LINGO2: variants seen among roughly 807,000 people sequenced by gnomAD.
The protein encoded by LINGO2 is leucine-rich repeat and immunoglobulin-like domain-containing nogo receptor-interacting protein 2.
Under a neutral mutation model 30.6 loss-of-function variants are expected in LINGO2, and 14 were observed. The observed-to-expected ratio is 0.46, with a 90% CI of 0.30 to 0.72. LINGO2 has a LOEUF of 0.72. Ranked by LOEUF, LINGO2 falls within the 30% of genes least tolerant of loss-of-function variation. LINGO2 has a pLI of 0.07. For synonymous variants in LINGO2, 317 were observed against 288.5 expected (o/e 1.10, Z -1.00); for missense variants, 729 against 751.7 (o/e 0.97, Z 0.35).
the LINGO2 span, among the ~76,000 whole-genome samples, chr9:28,839,904 T>C: frequency 2.6e-5 from 4 of 152,086 alleles, no homozygotes; most frequent in Non-Finnish European, 4.4e-5. Flanking sequence ...GCACTGAGCT[T>C]CCCTCAGCAC....
intron 4 of LINGO2, among the ~76,000 whole-genome samples, chr9:28,289,251 T>C (rs1480548473): frequency 6.6e-6 from 1 of 152,140 alleles, no homozygotes; most frequent in East Asian, 1.9e-4. Flanking sequence ...AACTATAATA[T>C]ATAAATTTTC....
chr9:29,047,864 G>C, the LINGO2 span, among the ~76,000 whole-genome samples: 1 of 152,102 alleles, frequency 6.6e-6, no homozygotes, highest in African/African-American at 2.4e-5. Context: ...ACTTTGGGAG[G>C]CTGAGGCAGA....
intron 1 of LINGO2, among the ~76,000 whole-genome samples, chr9:28,552,947 G>T (rs1422478766): frequency 6.6e-6 from 1 of 150,778 alleles, no homozygotes; most frequent in African/African-American, 2.4e-5. Flanking sequence ...CATCTTTGAG[G>T]ATATTAATCC....
At chr9:28,098,482 C>T (rs916421418) in intron 4 of LINGO2, among the ~76,000 whole-genome samples, 7 of 152,168 alleles carry the variant, frequency 4.6e-5, no homozygotes, top group African/African-American at 1.7e-4. Context: ...GGCTTGCTGT[C>T]TGCTTAGCAC....
chr9:28,143,029 T>G (rs1827718089), intron 4 of LINGO2, among the ~76,000 whole-genome samples: 1 of 152,186 alleles, frequency 6.6e-6, no homozygotes, highest in Admixed American at 6.5e-5. Flanking sequence ...TTGACAAAAA[T>G]TAAATTTCTG....
At chr9:29,171,498 T>C in the LINGO2 span, among the ~76,000 whole-genome samples, 1 of 152,020 alleles carries the variant, frequency 6.6e-6, no homozygotes, top group Non-Finnish European at 1.5e-5. Context: ...TTTGAAAATA[T>C]ACTGATATAC....
rs1400850391 is a variant in LINGO2 at position 28,035,945 on chromosome 9, C to G, written c.-86-23540G>C. Among the ~76,000 whole-genome samples, 3 of 152,036 alleles carry G rather than the reference C, an allele frequency of 2.0e-5. 1 individual carries two copies. The highest frequency in any genetic ancestry group is 2.0e-4 in the Admixed American group (3 of 15,270). On this transcript the variant is annotated intron_variant, in intron 4 of 5. Transcript: ENST00000379992. ...GCTAATATAATACTGACTCATCAGG[C>G]AGTTGACATGATGTGGTCATTCAAT...
the LINGO2 span, among the ~76,000 whole-genome samples, chr9:28,802,520 T>C: frequency 2.0e-5 from 3 of 152,014 alleles, no homozygotes; most frequent in Non-Finnish European, 2.9e-5. Context: ...AAAATAAGAA[T>C]ATAAGTGATA....
At chr9:28,312,450 A>T (rs976384033) in intron 3 of LINGO2, among the ~76,000 whole-genome samples, 1 of 152,134 alleles carries the variant, frequency 6.6e-6, no homozygotes, top group African/African-American at 2.4e-5. Flanking sequence ...AATCACGAAA[A>T]TTTAACAAAA....
At chr9:27,988,344 T>C (rs964597150) in intron 5 of LINGO2, among the ~76,000 whole-genome samples, 1 of 152,066 alleles carries the variant, frequency 6.6e-6, no homozygotes. Context: ...GCATGATTTA[T>C]AATCCTTTGG....
At chr9:28,798,403 T>C in the LINGO2 span, among the ~76,000 whole-genome samples, 1 of 152,038 alleles carries the variant, frequency 6.6e-6, no homozygotes, top group African/African-American at 2.4e-5. Context: ...CATGGAGATT[T>C]TGCCCACTGT....
At chr9:28,716,878 A>T in the LINGO2 span, among the ~76,000 whole-genome samples, 1 of 152,050 alleles carries the variant, frequency 6.6e-6, no homozygotes, top group East Asian at 1.9e-4. Context: ...AACCATTTCC[A>T]TTTACCTAGA....
At chr9:27,939,374 C>G in the LINGO2 span, 10 of 152,196 alleles carry the variant, frequency 6.6e-5, no homozygotes, top group Non-Finnish European at 1.0e-4. Flanking sequence ...ATATTGAAAC[C>G]AGCCCTGCGT....
At chr9:28,464,365 A>G (rs980674887) in intron 2 of LINGO2, among the ~76,000 whole-genome samples, 2 of 152,130 alleles carry the variant, frequency 1.3e-5, no homozygotes, top group Non-Finnish European at 2.9e-5. Context: ...AATAAATCTA[A>G]GTTTTATATT....
the LINGO2 span, among the ~76,000 whole-genome samples, chr9:28,834,056 A>C: frequency 1.3e-5 from 2 of 150,044 alleles, no homozygotes; most frequent in Non-Finnish European, 3.0e-5. Context: ...TGGATCTCCT[A>C]ATGTGCCTAC....
At chr9:28,174,383 C>G (rs890439705) in intron 4 of LINGO2, among the ~76,000 whole-genome samples, 5 of 152,166 alleles carry the variant, frequency 3.3e-5, no homozygotes, top group African/African-American at 4.8e-5. Context: ...ATGCCACTTG[C>G]TCATGAGTCT....
At chr9:28,820,926 G>A in the LINGO2 span, among the ~76,000 whole-genome samples, 1 of 152,176 alleles carries the variant, frequency 6.6e-6, no homozygotes, top group African/African-American at 2.4e-5. Flanking sequence ...AAGGGTGGAG[G>A]AAACACCATC....
At chr9:29,011,641 G>T in the LINGO2 span, among the ~76,000 whole-genome samples, 1 of 152,184 alleles carries the variant, frequency 6.6e-6, no homozygotes, top group African/African-American at 2.4e-5. Context: ...AGTTTAATAG[G>T]TGGCCATGAC....
chr9:28,759,141 C>T, the LINGO2 span, among the ~76,000 whole-genome samples: 1 of 151,968 alleles, frequency 6.6e-6, no homozygotes, highest in Non-Finnish European at 1.5e-5. Context: ...TCCGATAGCA[C>T]ATCAACAAAA....
Sources: gnomAD v4.1 joint callset for allele counts (sites outside exome capture counted in the v4.1 genomes callset) on GRCh38, gnomAD v4.1.1 for gene constraint, MANE v1.5 for transcripts, NCBI Gene and HGNC (gene_info 2026-07-23, HGNC 2026-07-21) for gene names.